WDR24: variants seen among roughly 807,000 people sequenced by gnomAD.
WDR24 encodes WD repeat domain 24.
A neutral mutation model predicts 66.7 loss-of-function variants in WDR24; 32 were observed. The ratio of observed to expected loss-of-function variants is 0.48; its 90% CI spans 0.36 to 0.64. WDR24 has a LOEUF of 0.64. WDR24 is among the 30% of genes least tolerant of loss of function. The pLI is 0.00. For missense variants in WDR24, 978 were observed against 1,144.1 expected (o/e 0.85, Z 2.09); for synonymous variants, 565 against 469.1 (o/e 1.20, Z -2.64).
intron 1 of WDR24, chr16:687,993 C>G (rs1270061219): frequency 1.5e-6 from 1 of 645,236 alleles, no homozygotes; most frequent in Admixed American, 2.1e-5. Context: ...ATTCTGCATC[C>G]TGCATCGGTC....
rs750191355 is a variant in WDR24, at chr16:685,891, CGAG to C, written c.1548_1550del (p.Ser517del). On this transcript the variant is annotated inframe_deletion, in exon 5 of 9. Transcript: ENST00000293883. ...TACCCTCATTGGTGATGAGTGTGGC[CGAG>C]GAGTCGAGCAGAACTGTGTCGCTCC... is the stretch of plus-strand genomic sequence containing the variant. 2 of 1,613,154 alleles carry C rather than the reference CGAG, an allele frequency of 1.2e-6. No individual in the cohort carries two copies. The highest frequency in any genetic ancestry group is 2.2e-5 in the South Asian group (2 of 91,080).
Position 687,264 on chromosome 16 carries a change from G to C in WDR24, c.812C>G (p.Ser271Cys). Reference sequence around the variant, plus strand: ...ATAGATGTTGTGGTCCACCATCATGGAGCACGTGGCCAGGTGGTGGCGGCA... The same window carrying C: ...ATAGATGTTGTGGTCCACCATCATGCAGCACGTGGCCAGGTGGTGGCGGCA... ...PECRHHLATC[S>C]MMVDHNIYVW... The change falls in exon 3 of 9, where the codon TCC (serine) becomes TGC (cysteine). Residue 271 changes from serine to cysteine, a missense_variant. By Grantham distance (112) the Ser-to-Cys change is moderately radical. Transcript: ENST00000293883. 1 of 1,612,126 alleles carries C rather than the reference G, an allele frequency of 6.2e-7. No individual in the cohort carries two copies. The highest frequency in any genetic ancestry group is 8.5e-7 in the Non-Finnish European group (1 of 1,179,912).
intron 1 of WDR24, 80 bp from the exon 2 acceptor site, chr16:687,819 T>C: frequency 6.6e-7 from 1 of 1,517,268 alleles, no homozygotes; most frequent in Non-Finnish European, 8.9e-7. Context: ...TGGCATGGTG[T>C]CACACACCTG....
chr16:687,396 C>T lies in WDR24; in HGVS notation c.680G>A (p.Gly227Glu). The part of the protein sequence containing the change: ...PEDRGWLATG[G>E]RDKMVKVWDM... ...CCAGACCTTCACCATCTTGTCGCGC[C>T]CTCCAGTGGCCAACCAGCCCCTGTG... The change falls in exon 3 of 9, where the codon GGG (glycine) becomes GAG (glutamate). Residue 227 changes from glycine to glutamate, a missense_variant. Around this residue, in one of 2 missense-constraint regions of WDR24, gnomAD observed 302 missense variants for 526.6 expected, o/e 0.57. Transcript: ENST00000293883. 6.3e-7 allele frequency: 1 copy of T among 1,589,874 alleles called. No individual in the cohort carries two copies. The highest frequency in any genetic ancestry group is 8.6e-7 in the Non-Finnish European group (1 of 1,166,870).
At chr16:687,863 G>T in intron 1 of WDR24, 124 bp from the exon 2 acceptor site, 1 of 1,301,614 alleles carries the variant, frequency 7.7e-7, no homozygotes, top group Non-Finnish European at 1.1e-6. Flanking sequence ...AGAGGGTAGA[G>T]TGGACATCCC....
Position 686,262 on chromosome 16 carries a change from G to A in WDR24, c.1333-76C>T. 9 of 1,511,442 alleles carry A rather than the reference G, an allele frequency of 6.0e-6. No homozygotes were observed. In the South Asian group the frequency reaches 9.7e-5, roughly 16 times the overall value. The allele number at this position is 1,511,442 out of a possible 1,614,324, so 93.6% of individuals were successfully genotyped here. On this transcript the variant is annotated intron_variant, in intron 3 of 8. Coordinates refer to ENST00000293883, the MANE Select transcript of WDR24 (RefSeq NM_032259.4). ...ATGCAGGTCCCTCTCTGCCTGGACAGTCACAAGCCCTCAGCATTCAGCTGC... is the reference window on the plus strand; with the variant it reads ...ATGCAGGTCCCTCTCTGCCTGGACAATCACAAGCCCTCAGCATTCAGCTGC...
In WDR24 at chr16:690,117, A is replaced by C. The variant is rs1292080822; in HGVS notation, c.-477T>G. 2.2e-6 allele frequency: 1 copy of C among 451,914 alleles called. No individual in the cohort carries two copies. The highest frequency in any genetic ancestry group is 4.5e-6 in the Non-Finnish European group (1 of 224,620). 28.0% of individuals were successfully genotyped at this position (451,914 alleles called of 1,614,324 possible). On this transcript the variant is annotated 5_prime_UTR_variant, in exon 1 of 9. Transcript: ENST00000293883. ...AGGAACAAAAGAGGGGAGGGAACAG[A>C]GGGCTAGAGGGGCCCGGGGACTCAG...
rs2039926021 is a variant in WDR24, at chr16:687,722, G to A, written c.499C>T (p.Arg167Trp). 1 of 1,613,060 alleles carries A rather than the reference G, an allele frequency of 6.2e-7. No homozygotes were observed. ...STFSGQSESVRDVQFSIRDYF... is the reference protein window; with the variant it reads ...STFSGQSESVWDVQFSIRDYF... Reference sequence around the variant, plus strand: ...TCCCGGATACTGAACTGCACGTCCCGCACGCTCTCCGACTGGCCTGCAGGC... The same window carrying A: ...TCCCGGATACTGAACTGCACGTCCCACACGCTCTCCGACTGGCCTGCAGGC... The change falls in exon 2 of 9, where the codon CGG (arginine) becomes TGG (tryptophan). Residue 167 changes from arginine to tryptophan, a missense_variant. Around this residue, in one of 2 missense-constraint regions of WDR24, gnomAD observed 302 missense variants for 526.6 expected, o/e 0.57. Transcript: ENST00000293883.
At position 690,186 on chromosome 16, in the gene WDR24, C is replaced by G; in HGVS notation, c.-546G>C. The G allele has an allele frequency of 2.6e-6, 1 of 392,036 alleles. No individual in the cohort carries two copies. The highest frequency in any genetic ancestry group is 5.1e-6 in the Non-Finnish European group (1 of 197,646). The allele number at this position is 392,036 out of a possible 1,614,324, so 24.3% of individuals were successfully genotyped here. ...GCCCAGAGGGACGTCAAGGACCGAGCTACTTAAGGAGCTCGAGGTGTCTGG... is the reference window on the plus strand; with the variant it reads ...GCCCAGAGGGACGTCAAGGACCGAGGTACTTAAGGAGCTCGAGGTGTCTGG... On this transcript the variant is annotated 5_prime_UTR_variant, in exon 1 of 9. Transcript: ENST00000293883.
chr16:689,437 C>T lies in WDR24; in HGVS notation c.204G>A (p.Gly68=). 1.2e-6 allele frequency: 2 copies of T among 1,613,602 alleles called. No individual in the cohort carries two copies. The highest frequency in any genetic ancestry group is 1.7e-6 in the Non-Finnish European group (2 of 1,179,988). ...AGCTCAGGTTAAGCGAAGGCTTGCG[C>T]CCCACACGCAGGTTCAGCTTTTCCA... ...QFVEKLNLRV[G]RKPSLNLSCA... Residue 68 remains glycine, a synonymous_variant, in exon 1 of 9, where the codon GGG becomes GGA. Coordinates refer to ENST00000293883, the MANE Select transcript of WDR24 (RefSeq NM_032259.4).
At position 685,471 on chromosome 16, in the gene WDR24, G is replaced by A. The variant is rs1416009434; in HGVS notation, c.1805C>T (p.Ala602Val). The change falls in exon 7 of 9, where the codon GCG (alanine) becomes GTG (valine). Residue 602 changes from alanine (A) to valine (V), a missense_variant. Coordinates refer to ENST00000293883, the MANE Select transcript of WDR24 (RefSeq NM_032259.4). ...ADSPHVSGSEADVASLAPVDS... is the reference protein window; with the variant it reads ...ADSPHVSGSEVDVASLAPVDS... ...CACGGGGGCCAGGGAGGCCACATCC[G>A]CCTCGCTGCCGCTCACGTGCGGGGA... is the stretch of plus-strand genomic sequence containing the variant. The A allele has an allele frequency of 4.4e-6, 7 of 1,602,112 alleles. No individual in the cohort carries two copies. The highest frequency in any genetic ancestry group is 6.0e-6 in the Non-Finnish European group (7 of 1,171,702).
rs745580915 is a variant in WDR24, at chr16:690,366, G to T, written c.-726C>A. The T allele has an allele frequency of 2.0e-5, 9 of 456,672 alleles. No homozygotes were observed. Among genetic ancestry groups the T allele is most frequent in the African/African-American group, 1.4e-4 (7 of 50,206 alleles). 28.3% of individuals were successfully genotyped at this position (456,672 alleles called of 1,614,324 possible). On this transcript the variant is annotated 5_prime_UTR_variant, in exon 1 of 9. Coordinates refer to ENST00000293883, the MANE Select transcript of WDR24 (RefSeq NM_032259.4). ...CGAACCCCAATCTTTTACTAAAAGCGCACGGTTGTCCGGAACCGCCGCGCC... is the reference window on the plus strand; with the variant it reads ...CGAACCCCAATCTTTTACTAAAAGCTCACGGTTGTCCGGAACCGCCGCGCC...
In WDR24 at chr16:685,559, G is replaced by A. The variant is rs558351551; in HGVS notation, c.1717C>T (p.Pro573Ser). The A allele has an allele frequency of 6.3e-7, 1 of 1,587,826 alleles. No individual in the cohort carries two copies. The highest frequency in any genetic ancestry group is 1.3e-5 in the African/African-American group (1 of 74,720). The change falls in exon 7 of 9, where the codon CCG (proline) becomes TCG (serine). Residue 573 changes from proline (P) to serine (S), a missense_variant. By Grantham distance (74) the Pro-to-Ser change is moderately conservative. This residue lies in a region of WDR24 where 676 missense variants were observed against 617.5 expected (regional missense o/e 1.09). Coordinates refer to ENST00000293883, the MANE Select transcript of WDR24 (RefSeq NM_032259.4). ...GTGTCCACGATCTCGTGGCGCAGCG[G>A]AAAGGCCTCCTGCGGCAGCACGCAC... ...PECVLPQEAFPLRHEIVDTPP... is the reference protein window; with the variant it reads ...PECVLPQEAFSLRHEIVDTPP...
At position 684,725 on chromosome 16, in the gene WDR24, G is replaced by C; in HGVS notation, c.*9C>G. The C allele has an allele frequency of 6.3e-7, 1 of 1,584,106 alleles. No homozygotes were observed. The highest frequency in any genetic ancestry group is 8.6e-7 in the Non-Finnish European group (1 of 1,165,294). ...CGCGGCCGCCCGGGCAAGCCCAGCA[G>C]ATGCCCCGTCAGGAGTACTCGCAGA... is the stretch of plus-strand genomic sequence containing the variant. On this transcript the variant is annotated 3_prime_UTR_variant, in exon 9 of 9. Coordinates refer to ENST00000293883, the MANE Select transcript of WDR24 (RefSeq NM_032259.4).
rs772170491 is a variant in WDR24, at chr16:686,066, A to C, written c.1451+2T>G. 3.7e-6 allele frequency: 6 copies of C among 1,612,654 alleles called. No individual in the cohort carries two copies. Among genetic ancestry groups the C allele is most frequent in the Non-Finnish European group, 5.1e-6 (6 of 1,179,876 alleles). ...CTGGGGAGAGCTGCCCCCGGCATCT[A>C]CCTGTTCATGAGCGGGAGGCCACAG... On this transcript the variant is annotated splice_donor_variant, in intron 4 of 8. Coordinates refer to ENST00000293883, the MANE Select transcript of WDR24 (RefSeq NM_032259.4). LOFTEE classifies it high-confidence loss of function.
intron 3 of WDR24, 88 bp downstream of exon 3, chr16:686,656 T>C: frequency 2.7e-6 from 4 of 1,460,016 alleles, no homozygotes; most frequent in Non-Finnish European, 3.7e-6. Flanking sequence ...ATTGCGGAGC[T>C]TGAGGTGGGG....
chr16:688,607 T>A (rs1313093885), intron 1 of WDR24, among the ~76,000 whole-genome samples: 1 of 152,244 alleles, frequency 6.6e-6, no homozygotes, highest in Non-Finnish European at 1.5e-5. Context: ...CTGTCTTAAG[T>A]GGCCTGAAAA....
rs2039947098 is a variant in WDR24, at chr16:689,878, G to A, written c.-238C>T. ...CAGCCCATCACCCTGGCTGAGCGGT[G>A]AGGGGACTTCCTAGCTTCCCTTAGG... On this transcript the variant is annotated 5_prime_UTR_variant, in exon 1 of 9. Coordinates refer to ENST00000293883, the MANE Select transcript of WDR24 (RefSeq NM_032259.4). 5.5e-6 allele frequency: 4 copies of A among 729,494 alleles called. No homozygotes were observed. The highest frequency in any genetic ancestry group is 9.7e-6 in the Non-Finnish European group (4 of 412,814). 45.2% of individuals were successfully genotyped at this position (729,494 alleles called of 1,614,324 possible).
intron 3 of WDR24, 33 bp from the exon 4 acceptor site, chr16:686,219 C>G (rs1280272789): frequency 1.2e-6 from 2 of 1,606,654 alleles, no homozygotes; most frequent in Admixed American, 3.3e-5. Flanking sequence ...TGTGGGCGTC[C>G]TGGACACCCA....
Sources: allele counts gnomAD v4.1 joint callset (sites outside exome capture counted in the v4.1 genomes callset), GRCh38; gene constraint gnomAD v4.1.1; regional missense constraint gnomAD v4.1.1; transcripts MANE v1.5; gene names NCBI Gene and HGNC (gene_info 2026-07-23, HGNC 2026-07-21).